Variants in SUPT6H observed in about 807,000 individuals in gnomAD.
SUPT6H encodes SPT6 homolog, histone chaperone and transcription elongation factor.
In SUPT6H, 11 loss-of-function variants were observed where a neutral mutation model predicts 222.3. The observed-to-expected ratio is 0.05, with a 90% CI of 0.03 to 0.08. The LOEUF is 0.08. Among genes scored for constraint, SUPT6H ranks in the 10% least tolerant of loss-of-function variants. SUPT6H has a pLI of 1.00. For synonymous variants in SUPT6H, 762 were observed against 801.2 expected (o/e 0.95, Z 0.83); for missense variants, 1,422 against 2,216.0 (o/e 0.64, Z 7.19).
At chr17:28,682,634 G>A in intron 13 of SUPT6H, 93 bp from the exon 14 acceptor site, 2 of 1,521,460 alleles carry the variant, frequency 1.3e-6, no homozygotes, top group Non-Finnish European at 1.8e-6. Flanking sequence ...AATAAAAAAG[G>A]CTAGTTCCCA....
intron 19 of SUPT6H, 24 bp downstream of exon 19, chr17:28,684,985 T>G: frequency 6.3e-7 from 1 of 1,592,784 alleles, no homozygotes; most frequent in Non-Finnish European, 8.6e-7. Flanking sequence ...ACGAGGATAC[T>G]AAGTGTACAT....
At chr17:28,696,466 G>A (rs2031919627) in intron 29 of SUPT6H, among the ~76,000 whole-genome samples, 2 of 150,440 alleles carry the variant, frequency 1.3e-5, no homozygotes, top group African/African-American at 4.9e-5. Flanking sequence ...GCGTGGTGGT[G>A]GGCGCCTGTA....
At position 28,687,182 on chromosome 17, in the gene SUPT6H, G is replaced by A. The variant is rs768504549; in HGVS notation, c.2795G>A (p.Ser932Asn). The A allele has an allele frequency of 1.2e-6, 2 of 1,614,182 alleles. No individual in the cohort carries two copies. The highest frequency in any genetic ancestry group is 1.7e-5 in the Admixed American group (1 of 60,022). Residue 932 changes from serine (S) to asparagine (N), a missense_variant, in exon 22 of 37, where the codon AGT (serine) becomes AAT (asparagine). This residue lies in a region of SUPT6H where 294 missense variants were observed against 382.1 expected (regional missense o/e 0.77). Transcript: ENST00000314616. ...CTGATTGAATTTGCCCAGGTGTGCA[G>A]TTCCGATGAAGACATCCTGTGTCTC... ...DPLIEFAQVC[S>N]SDEDILCLKF...
rs1597721316 is a variant in SUPT6H, at chr17:28,697,898, A to G, written c.4324-8A>G. On this transcript the variant is annotated splice_polypyrimidine_tract_variant and splice_region_variant and intron_variant, in intron 31 of 36. Coordinates refer to ENST00000314616, the MANE Select transcript of SUPT6H (RefSeq NM_003170.5). ...TATCCCAACCTCTCCCCCTCATTCTACCCCCAGAAATTAGAGGAGCTGCTC... is the reference window on the plus strand; with the variant it reads ...TATCCCAACCTCTCCCCCTCATTCTGCCCCCAGAAATTAGAGGAGCTGCTC... The G allele has an allele frequency of 6.2e-7, 1 of 1,613,348 alleles. No homozygotes were observed. Among genetic ancestry groups the G allele is most frequent in the Non-Finnish European group, 8.5e-7 (1 of 1,179,798 alleles).
At chr17:28,677,604 A>G (rs1360630492) in intron 7 of SUPT6H, 111 bp from the exon 8 acceptor site, 40 of 774,830 alleles carry the variant, frequency 5.2e-5, no homozygotes, top group Non-Finnish European at 2.6e-5. Context: ...TTGTAGAACA[A>G]TACTGGAAAT....
chr17:28,676,731 G>T (rs1404511710), intron 7 of SUPT6H, among the ~76,000 whole-genome samples: 1 of 152,138 alleles, frequency 6.6e-6, no homozygotes, highest in Non-Finnish European at 1.5e-5. Context: ...CTCAAGACCA[G>T]CCTGGGCAAC....
At position 28,678,981 on chromosome 17, in the gene SUPT6H, T is replaced by C. The variant is rs2151625894; in HGVS notation, c.1349+18T>C. ...ATGGAGAGGTAAAACATGCGGTGTT[T>C]ATTCCATTATGGGAAGCCCTCAGAC... On this transcript the variant is annotated intron_variant, in intron 11 of 36. Transcript: ENST00000314616. 1.2e-6 allele frequency: 2 copies of C among 1,614,020 alleles called. No homozygotes were observed. Among genetic ancestry groups the C allele is most frequent in the East Asian group, 4.5e-5 (2 of 44,886 alleles).
intron 13 of SUPT6H, 151 bp downstream of exon 13, chr17:28,682,131 C>A (rs1432279985): frequency 1.7e-6 from 1 of 596,250 alleles, no homozygotes; most frequent in Non-Finnish European, 2.9e-6. Flanking sequence ...TTTAAAAATA[C>A]TCCCTCTCCA....
At chr17:28,666,404 G>C (rs149372522) in intron 1 of SUPT6H, among the ~76,000 whole-genome samples, 3 of 152,120 alleles carry the variant, frequency 2.0e-5, no homozygotes, top group African/African-American at 7.2e-5. Context: ...GGAACTATGC[G>C]CTCCTCAATG....
At chr17:28,682,263 A>G (rs1223191104) in intron 13 of SUPT6H, 6 of 352,372 alleles carry the variant, frequency 1.7e-5, no homozygotes, top group Admixed American at 4.2e-5. Flanking sequence ...ACAGCCCATC[A>G]AGTGTTTAAA....
Position 28,687,298 on chromosome 17 carries a change from C to G in SUPT6H, c.2839-6C>G, listed in dbSNP as rs2151642500. ...AACCTTACTCCTGCCTGCTGAATGTCCACAGGAGCATGTGGTGAAAGAGGA... is the reference window on the plus strand; with the variant it reads ...AACCTTACTCCTGCCTGCTGAATGTGCACAGGAGCATGTGGTGAAAGAGGA... On this transcript the variant is annotated splice_polypyrimidine_tract_variant and splice_region_variant and intron_variant, in intron 22 of 36. Transcript: ENST00000314616. 6.2e-7 allele frequency: 1 copy of G among 1,614,154 alleles called. No individual in the cohort carries two copies. Among genetic ancestry groups the G allele is most frequent in the Middle Eastern group, 1.7e-4 (1 of 6,060 alleles).
chr17:28,665,001 A>G (rs908274069), intron 1 of SUPT6H, among the ~76,000 whole-genome samples: 3 of 152,288 alleles, frequency 2.0e-5, no homozygotes, highest in Admixed American at 2.0e-4. Context: ...CTACCACAAC[A>G]GTATCTTCAG....
chr17:28,669,828 C>T (rs1010649670), intron 1 of SUPT6H, among the ~76,000 whole-genome samples: 3 of 152,116 alleles, frequency 2.0e-5, no homozygotes, highest in Non-Finnish European at 2.9e-5. Flanking sequence ...CCCACCTACT[C>T]GGGAGGCTGA....
At position 28,684,609 on chromosome 17, in the gene SUPT6H, T is replaced by C. The variant is rs1347832640; in HGVS notation, c.2253T>C (p.Asn751=). ...AGGCCTGTAGTCGAAAGCTCTACAA[T>C]TGGTTGAGAGTGGCACCCTACCGAC... ...VIKACSRKLY[N]WLRVAPYRPD... Residue 751 remains asparagine (N), a synonymous_variant, in exon 18 of 37, where the codon AAT becomes AAC. Coordinates refer to ENST00000314616, the MANE Select transcript of SUPT6H (RefSeq NM_003170.5). 10 of 1,613,942 alleles carry C rather than the reference T, an allele frequency of 6.2e-6. No individual in the cohort carries two copies. The Admixed American group carries it at 1.0e-4, about 16-fold the overall frequency.
chr17:28,684,762 T>C (rs780231999), intron 18 of SUPT6H, 37 bp downstream of exon 18: 4 of 1,613,086 alleles, frequency 2.5e-6, no homozygotes, highest in African/African-American at 2.7e-5. Flanking sequence ...CACCATCTCT[T>C]GTCTTCCTAA....
chr17:28,675,347 T>C, intron 5 of SUPT6H, 54 bp from the exon 6 acceptor site: 2 of 1,598,110 alleles, frequency 1.3e-6, no homozygotes, highest in Non-Finnish European at 1.7e-6. Flanking sequence ...CAAAGCAATT[T>C]AGTCCTGGCT....
Position 28,676,199 on chromosome 17 carries a change from C to T in SUPT6H, c.666C>T (p.Asp222=), listed in dbSNP as rs758850291. The change falls in exon 7 of 37, where the codon GAC becomes GAT. Residue 222 remains aspartate, a synonymous_variant. Transcript: ENST00000314616. ...EAQEIFGVDF[D]YDEFEKYNEY... ...AGGAAATCTTCGGTGTGGACTTTGA[C>T]TATGATGAATTTGAGAAATACAATG... 3.7e-6 allele frequency: 6 copies of T among 1,609,590 alleles called. No homozygotes were observed. The highest frequency in any genetic ancestry group is 2.5e-6 in the Non-Finnish European group (3 of 1,177,910).
chr17:28,677,830 A>G lies in SUPT6H; in HGVS notation c.999+14A>G, dbSNP rs146235922. 9.9e-4 allele frequency: 1,603 copies of G among 1,611,082 alleles called. 12 individuals carry two copies. In the African/African-American group the frequency reaches 0.019, roughly 19 times the overall value. ...ATTTCTCTCCAGGTACACAAAAAAG[A>G]TCCTTAGGTTTTGACATGAACCAAA... On this transcript the variant is annotated intron_variant, in intron 8 of 36. Transcript: ENST00000314616.
chr17:28,674,794 G>A (rs530253128), intron 4 of SUPT6H, 176 bp from the exon 5 acceptor site: 1 of 959,984 alleles, frequency 1.0e-6, no homozygotes, highest in Admixed American at 2.6e-5. Flanking sequence ...GTTAGAGAAA[G>A]TCTTGTCCAA....
Sources: allele counts gnomAD v4.1 joint callset (sites outside exome capture counted in the v4.1 genomes callset), GRCh38; gene constraint gnomAD v4.1.1; regional missense constraint gnomAD v4.1.1; transcripts MANE v1.5; gene names NCBI Gene and HGNC (gene_info 2026-07-23, HGNC 2026-07-21).